GPR137: variants seen among roughly 807,000 people sequenced by gnomAD.
GPR137 encodes the protein integral membrane protein GPR137.
GPR137 carries 20 observed loss-of-function variants against 38.9 expected under a neutral mutation model. That is an observed-to-expected ratio of 0.51 (90% CI 0.36 to 0.75). GPR137 has a LOEUF of 0.75. GPR137 is among the 30% of genes least tolerant of loss of function. The probability of loss-of-function intolerance (pLI) is 0.00; values close to 1 mark genes in which losing one functional copy is unlikely to be tolerated. For missense variants in GPR137, 456 were observed against 526.4 expected (o/e 0.87, Z 1.31); for synonymous variants, 226 against 235.8 (o/e 0.96, Z 0.38).
At chr11:64,281,921 A>G (rs1482721904), upstream of GPR137, among the ~76,000 whole-genome samples, 1 of 152,088 alleles carries the variant, frequency 6.6e-6, no homozygotes, top group African/African-American at 2.4e-5. Flanking sequence ...GGGTTTCACC[A>G]TGTTGGCCAG....
intron 2 of GPR137, among the ~76,000 whole-genome samples, chr11:64,278,491 A>G (rs191414676): frequency 2.6e-5 from 4 of 152,028 alleles, no homozygotes; most frequent in Non-Finnish European, 4.4e-5. Flanking sequence ...GTTTCCAAGC[A>G]CTTTTCCTAT....
At chr11:64,280,631 G>A (rs1482611935), upstream of GPR137, among the ~76,000 whole-genome samples, 1 of 150,476 alleles carries the variant, frequency 6.6e-6, no homozygotes, top group Middle Eastern at 3.3e-3. Flanking sequence ...GATTACAGGC[G>A]TGAGCCACCG....
chr11:64,278,365 A>G (rs2033206692), intron 2 of GPR137, among the ~76,000 whole-genome samples: 1 of 148,684 alleles, frequency 6.7e-6, no homozygotes, highest in Non-Finnish European at 1.5e-5. Context: ...TCCATCTTGG[A>G]AAAAAAAATT....
At chr11:64,285,724 G>T, upstream of GPR137, 4 of 985,382 alleles carry the variant, frequency 4.1e-6, no homozygotes, top group Non-Finnish European at 4.8e-6. Flanking sequence ...CGCCAGCGGC[G>T]CAGCTCGCGC....
upstream of GPR137, among the ~76,000 whole-genome samples, chr11:64,282,422 C>G (rs942798420): frequency 6.6e-6 from 1 of 151,972 alleles, no homozygotes; most frequent in African/African-American, 2.4e-5. Flanking sequence ...GGCAACAAAG[C>G]AAGACCCCAC....
intron 1 of GPR137, chr11:64,276,242 TTA>T (rs528019407): frequency 1.3e-4 from 20 of 152,016 alleles, no homozygotes; most frequent in African/African-American, 4.8e-4. Flanking sequence ...GTAAATTGAA[TTA>T]TATATATGTA....
chr11:64,284,422 C>T (rs772530289), upstream of GPR137: 19 of 1,608,414 alleles, frequency 1.2e-5, no homozygotes, highest in East Asian at 3.6e-4. Flanking sequence ...CTGGGGCCAA[C>T]GGTGGCCCTG....
intron 2 of GPR137, chr11:64,287,498 C>A: frequency 4.8e-6 from 3 of 622,226 alleles, no homozygotes; most frequent in Non-Finnish European, 6.0e-6. Context: ...GGGGCTCAGA[C>A]AGAGACTTCT....
Position 64,286,129 on chromosome 11 carries a change from C to G in GPR137, c.-396C>G, listed in dbSNP as rs1285021215. 2.0e-6 allele frequency: 2 copies of G among 1,014,590 alleles called. No individual in the cohort carries two copies. The highest frequency in any genetic ancestry group is 1.8e-4 in the East Asian group (2 of 10,854). 62.8% of individuals were successfully genotyped at this position (1,014,590 alleles called of 1,614,324 possible). A position where few individuals can be genotyped will look rare whatever the true frequency, so the allele number is the denominator to read the frequency against. ...CCTCGCAGCGGCCGCTGCCCTGACC[C>G]GACGGGTATCAGCCGGCTCTCCCCC... On this transcript the variant is annotated 5_prime_UTR_variant, in exon 1 of 7. Transcript: ENST00000438980.
upstream of GPR137, chr11:64,270,711 T>C (rs1471920908): frequency 2.0e-6 from 1 of 498,124 alleles, no homozygotes. Context: ...GGGAGGATCC[T>C]TTGAGGCCAG....
At chr11:64,282,864 G>A (rs905449568), upstream of GPR137, among the ~76,000 whole-genome samples, 3 of 147,470 alleles carry the variant, frequency 2.0e-5, no homozygotes, top group Non-Finnish European at 3.0e-5. Context: ...GGGCAGCAGA[G>A]TGAGACTCCG....
At chr11:64,277,480 C>G (rs2033153940) in intron 2 of GPR137, among the ~76,000 whole-genome samples, 3 of 152,202 alleles carry the variant, frequency 2.0e-5, no homozygotes, top group Non-Finnish European at 2.9e-5. Flanking sequence ...CTCTGTCACC[C>G]AGACTGGAGT....
intron 1 of GPR137, chr11:64,276,212 T>C (rs529744331): frequency 6.6e-6 from 1 of 152,274 alleles, no homozygotes; most frequent in Admixed American, 6.5e-5. Context: ...CTAGTTGTTA[T>C]CAAGATGATA....
At chr11:64,284,805 C>G (rs927810128), upstream of GPR137, 48 of 1,528,968 alleles carry the variant, frequency 3.1e-5, no homozygotes, top group East Asian at 6.4e-4. Context: ...GCCCCGCCCC[C>G]CCGCCGGATC....
At position 64,288,317 on chromosome 11, in the gene GPR137, C is replaced by T. The variant is rs2034371748; in HGVS notation, c.784-23C>T. 1 of 1,613,378 alleles carries T rather than the reference C, an allele frequency of 6.2e-7. No individual in the cohort carries two copies. On this transcript the variant is annotated intron_variant, in intron 4 of 6. Transcript: ENST00000438980. The surrounding 1 kb of genome is among the most constrained non-coding windows in gnomAD (Gnocchi z 5.5). ...CCCCTTTGGCGTGACTGCAGACTGGCACCAGCCCCTGCCTTCCCACAGGCG... is the reference window on the plus strand; with the variant it reads ...CCCCTTTGGCGTGACTGCAGACTGGTACCAGCCCCTGCCTTCCCACAGGCG...
rs2034363449 is a variant in GPR137 at position 64,288,262 on chromosome 11, GC to G, written c.783+52del. The G allele has an allele frequency of 6.2e-7, 1 of 1,609,274 alleles. No individual in the cohort carries two copies. The highest frequency in any genetic ancestry group is 1.3e-5 in the African/African-American group (1 of 74,810). On this transcript the variant is annotated intron_variant, in intron 4 of 6. Coordinates refer to ENST00000438980, the MANE Select transcript of GPR137 (RefSeq NM_001170880.2). The surrounding 1 kb of genome is among the most constrained non-coding windows in gnomAD (Gnocchi z 5.5). The stretch of plus-strand genomic sequence containing the variant: ...CCTCCTTAGTAGCCGTGGCACCTTG[GC>G]CCCAGCTGGCCTGGGCCCTGTCCCA...
chr11:64,289,207 T>G lies in GPR137; in HGVS notation c.*11T>G. ...ACCCCACAGACGTGATCCCCCTCCC[T>G]CCCCCACAGAATACCCAGGCCCCAG... is the stretch of plus-strand genomic sequence containing the variant. On this transcript the variant is annotated 3_prime_UTR_variant, in exon 7 of 7. Coordinates refer to ENST00000438980, the MANE Select transcript of GPR137 (RefSeq NM_001170880.2). 7 of 1,226,856 alleles carry G rather than the reference T, an allele frequency of 5.7e-6. No individual in the cohort carries two copies. The highest frequency in any genetic ancestry group is 7.9e-6 in the Non-Finnish European group (7 of 881,016). 76.0% of individuals were successfully genotyped at this position (1,226,856 alleles called of 1,614,324 possible). A position where few individuals can be genotyped will look rare whatever the true frequency, so the allele number is the denominator to read the frequency against.
upstream of GPR137, chr11:64,284,615 G>A (rs568391428): frequency 1.9e-5 from 28 of 1,503,584 alleles, no homozygotes; most frequent in South Asian, 3.1e-4. Context: ...CCGTGGTGAC[G>A]GCGCACAGGT....
At position 64,288,896 on chromosome 11, in the gene GPR137, T is replaced by G. The variant is rs749227215; in HGVS notation, c.1032-141T>G. The G allele has an allele frequency of 4.5e-5, 65 of 1,439,878 alleles. No homozygotes were observed. Among genetic ancestry groups the G allele is most frequent in the Non-Finnish European group, 5.9e-5 (65 of 1,101,880 alleles). The allele number at this position is 1,439,878 out of a possible 1,614,324, so 89.2% of individuals were successfully genotyped here. On this transcript the variant is annotated intron_variant, in intron 6 of 6. Coordinates refer to ENST00000438980, the MANE Select transcript of GPR137 (RefSeq NM_001170880.2). The surrounding 1 kb of genome is among the most constrained non-coding windows in gnomAD (Gnocchi z 5.5). ...GGTTCCTATTGCTAAAGCCTCCACC[T>G]CTTGCCTAGAGATGTACTTTGTCCT...
Sources: gnomAD v4.1 joint callset for allele counts (sites outside exome capture counted in the v4.1 genomes callset) on GRCh38, gnomAD v4.1.1 for gene constraint, Gnocchi (gnomAD v3.1) non-coding constraint, MANE v1.5 for transcripts, NCBI Gene and HGNC (gene_info 2026-07-23, HGNC 2026-07-21) for gene names.